Variants in DNAH6 observed in about 807,000 individuals in gnomAD.
DNAH6 encodes the protein axonemal beta dynein heavy chain 6.
In DNAH6, 340 loss-of-function variants were observed where a neutral mutation model predicts 491.4. The ratio of observed to expected loss-of-function variants is 0.69; its 90% CI spans 0.63 to 0.76. The LOEUF (loss-of-function observed/expected upper bound fraction) is 0.76, where lower values mean the gene tolerates loss of function less well. Ranked by LOEUF, DNAH6 falls within the 30% of genes least tolerant of loss-of-function variation. The pLI is 0.00. For missense variants in DNAH6, 4,443 were observed against 4,972.2 expected (o/e 0.89, Z 3.20); for synonymous variants, 1,603 against 1,686.1 (o/e 0.95, Z 1.21).
chr2:84,791,169 G>A (rs1250420819), intron 68 of DNAH6, among the ~76,000 whole-genome samples: 3 of 144,238 alleles, frequency 2.1e-5, no homozygotes, highest in Non-Finnish European at 4.5e-5. Flanking sequence ...CAGCCTGGGC[G>A]AGAGAGTAAA....
intron 33 of DNAH6, 134 bp downstream of exon 33, chr2:84,642,188 T>A (rs1294253204): frequency 6.1e-6 from 4 of 651,930 alleles, no homozygotes; most frequent in African/African-American, 3.7e-5. Context: ...TTTTGCAGTT[T>A]AAGAAATACT....
intron 61 of DNAH6, among the ~76,000 whole-genome samples, chr2:84,732,107 C>A (rs1414748035): frequency 6.6e-6 from 1 of 152,086 alleles, no homozygotes; most frequent in Non-Finnish European, 1.5e-5. Flanking sequence ...GGGGAGCCTC[C>A]ACTAAAATAA....
At position 84,715,576 on chromosome 2, in the gene DNAH6, C is replaced by T; in HGVS notation, c.9560C>T (p.Thr3187Ile). ...HYLPEVCIKV[T>I]IINFTVTKSG... is the part of the protein sequence containing the mutation. ...CTCTTCCAGGTATGCATTAAAGTTA[C>T]CATTATCAATTTCACTGTAACAAAA... The change falls in exon 58 of 77, where the codon ACC (threonine) becomes ATC (isoleucine). Residue 3187 changes from threonine to isoleucine, a missense_variant. Physicochemically the swap from Thr to Ile is moderately conservative, Grantham distance 89 (BLOSUM62 -1). Coordinates refer to ENST00000389394, the MANE Select transcript of DNAH6 (RefSeq NM_001370.2). The T allele has an allele frequency of 6.4e-7, 1 of 1,551,352 alleles. No individual in the cohort carries two copies. Among genetic ancestry groups the T allele is most frequent in the Non-Finnish European group, 8.7e-7 (1 of 1,146,866 alleles).
At chr2:84,731,090 A>G (rs1373233992) in intron 61 of DNAH6, among the ~76,000 whole-genome samples, 1 of 152,198 alleles carries the variant, frequency 6.6e-6, no homozygotes, top group Non-Finnish European at 1.5e-5. Flanking sequence ...TTTATTTGAG[A>G]AAATTTACTA....
At chr2:84,645,454 T>C (rs1217172385) in intron 33 of DNAH6, among the ~76,000 whole-genome samples, 1 of 152,142 alleles carries the variant, frequency 6.6e-6, no homozygotes, top group Non-Finnish European at 1.5e-5. Context: ...CCATTCTAAC[T>C]GACATGAGAT....
At chr2:84,568,822 A>G (rs998795142) in intron 11 of DNAH6, among the ~76,000 whole-genome samples, 1 of 152,244 alleles carries the variant, frequency 6.6e-6, no homozygotes, top group African/African-American at 2.4e-5. Flanking sequence ...TACTCATAAG[A>G]TAAATGCGAA....
At chr2:84,565,202 A>C (rs1418732521) in intron 11 of DNAH6, among the ~76,000 whole-genome samples, 1 of 151,914 alleles carries the variant, frequency 6.6e-6, no homozygotes, top group Non-Finnish European at 1.5e-5. Flanking sequence ...ATACTAGCTT[A>C]GTATTCAATA....
chr2:84,509,162 A>G, the DNAH6 span, among the ~76,000 whole-genome samples: 1 of 152,252 alleles, frequency 6.6e-6, no homozygotes, highest in Middle Eastern at 3.4e-3. Flanking sequence ...AATGTTGAAA[A>G]TGGGGTGCTA....
chr2:84,514,752 C>G (rs183129040), upstream of DNAH6, among the ~76,000 whole-genome samples: 3 of 152,232 alleles, frequency 2.0e-5, 1 homozygote, highest in Admixed American at 2.0e-4. Flanking sequence ...AAGATAACAT[C>G]TTGCCACATT....
chr2:84,506,749 T>G, the DNAH6 span, among the ~76,000 whole-genome samples: 3 of 152,138 alleles, frequency 2.0e-5, no homozygotes, highest in Non-Finnish European at 4.4e-5. Context: ...TTGTATAAGG[T>G]GTAAGGAAGG....
chr2:84,623,203 A>G (rs1687557530), intron 26 of DNAH6, among the ~76,000 whole-genome samples: 1 of 152,208 alleles, frequency 6.6e-6, no homozygotes, highest in Non-Finnish European at 1.5e-5. Context: ...CTTGGATATA[A>G]CACCAAAAGC....
At chr2:84,506,907 T>G in the DNAH6 span, among the ~76,000 whole-genome samples, 10 of 152,226 alleles carry the variant, frequency 6.6e-5, no homozygotes, top group African/African-American at 2.2e-4. Context: ...GAGGGCTCTG[T>G]TCTGTTCCAT....
At chr2:84,570,041 A>G (rs367973050) in intron 11 of DNAH6, among the ~76,000 whole-genome samples, 6 of 152,074 alleles carry the variant, frequency 3.9e-5, no homozygotes, top group African/African-American at 1.2e-4. Context: ...TAGTATCCAC[A>G]TGTTAGTTTC....
intron 64 of DNAH6, among the ~76,000 whole-genome samples, chr2:84,779,985 GT>G (rs1193964562): frequency 6.6e-6 from 1 of 152,176 alleles, no homozygotes; most frequent in East Asian, 1.9e-4. Context: ...GGCTTGTAAT[GT>G]TTTTGCTGAG....
intron 37 of DNAH6, among the ~76,000 whole-genome samples, chr2:84,668,245 A>T (rs1041861873): frequency 2.0e-5 from 3 of 152,244 alleles, no homozygotes; most frequent in African/African-American, 4.8e-5. Context: ...ATAATAATAA[A>T]AAAAAACTTT....
chr2:84,730,700 C>T (rs967587878), intron 61 of DNAH6, among the ~76,000 whole-genome samples: 3 of 152,040 alleles, frequency 2.0e-5, no homozygotes, highest in African/African-American at 4.8e-5. Flanking sequence ...TCTCTTAATG[C>T]TAGGAATCCA....
At chr2:84,760,086 A>G (rs1338881557) in intron 63 of DNAH6, among the ~76,000 whole-genome samples, 1 of 152,192 alleles carries the variant, frequency 6.6e-6, no homozygotes, top group Non-Finnish European at 1.5e-5. Context: ...CTTTCAGTAA[A>G]TGGTGGTGGG....
At chr2:84,609,735 A>G (rs1471851991) in intron 21 of DNAH6, among the ~76,000 whole-genome samples, 2 of 152,090 alleles carry the variant, frequency 1.3e-5, no homozygotes, top group Non-Finnish European at 2.9e-5. Flanking sequence ...ACCAAAGACA[A>G]TTGGTAATTG....
chr2:84,535,755 G>C (rs1450304455), intron 4 of DNAH6, among the ~76,000 whole-genome samples: 4 of 150,674 alleles, frequency 2.7e-5, no homozygotes, highest in Admixed American at 6.6e-5. Context: ...CATAATCCAA[G>C]ACATTATTAA....
Sources: allele counts gnomAD v4.1 joint callset (sites outside exome capture counted in the v4.1 genomes callset), GRCh38; gene constraint gnomAD v4.1.1; transcripts MANE v1.5; gene names NCBI Gene and HGNC (gene_info 2026-07-23, HGNC 2026-07-21).